The following BCAS4 variants were observed in gnomAD, a reference collection of about 807,000 sequenced individuals.
The protein encoded by BCAS4 is breast carcinoma-amplified sequence 4.
BCAS4 carries 9 observed loss-of-function variants against 15.7 expected under a neutral mutation model. The observed-to-expected ratio is 0.57, with a 90% CI of 0.34 to 1.00. The LOEUF (loss-of-function observed/expected upper bound fraction) is 1.00, where lower values mean the gene tolerates loss of function less well. BCAS4 is among the 50% of genes least tolerant of loss of function. The probability of loss-of-function intolerance (pLI) is 0.02; values close to 1 mark genes in which losing one functional copy is unlikely to be tolerated. For synonymous variants in BCAS4, 101 were observed against 99.5 expected (o/e 1.02, Z -0.09); for missense variants, 225 against 239.1 (o/e 0.94, Z 0.39).
intron 4 of BCAS4, among the ~76,000 whole-genome samples, chr20:50,871,406 C>A (rs1324199602): frequency 1.3e-5 from 2 of 152,242 alleles, no homozygotes; most frequent in Admixed American, 1.3e-4. Context: ...AGCCGGACAG[C>A]CCTGCGGGCA....
chr20:50,806,682 T>A lies in BCAS4; in HGVS notation c.90+11509T>A, dbSNP rs536156476. Among the ~76,000 whole-genome samples the A allele has an allele frequency of 2.0e-5, 3 of 151,980 alleles. No homozygotes were observed. The East Asian group carries it at 5.8e-4, about 29-fold the overall frequency. ...CAGAAGAGTTGCCTGGACTTCTTTT[T>A]TTCTTAAATTTTATTATTATTATTT... On this transcript the variant is annotated intron_variant, in intron 1 of 4. Transcript: ENST00000371608.
downstream of BCAS4, chr20:50,879,564 A>T (rs948616315): frequency 3.3e-5 from 5 of 152,226 alleles, no homozygotes; most frequent in African/African-American, 1.2e-4. Context: ...TTAGACAAGC[A>T]GTTGAGGACA....
At chr20:50,796,804 A>G (rs1422609922) in intron 1 of BCAS4, among the ~76,000 whole-genome samples, 1 of 149,874 alleles carries the variant, frequency 6.7e-6, no homozygotes, top group African/African-American at 2.5e-5. Flanking sequence ...ATCTCCACAT[A>G]TTTTTAAAAT....
intron 4 of BCAS4, among the ~76,000 whole-genome samples, chr20:50,849,000 G>A (rs983515231): frequency 2.0e-4 from 31 of 152,268 alleles, no homozygotes; most frequent in African/African-American, 7.2e-4. Context: ...GGAAGTGAAA[G>A]TGTGAAATGG....
rs866794867 is a variant in BCAS4 at position 50,875,606 on chromosome 20, A to C, written c.400-880A>C. On this transcript the variant is annotated intron_variant, in intron 4 of 4. Coordinates refer to ENST00000371608, the MANE Select transcript of BCAS4 (RefSeq NM_198799.4). The stretch of plus-strand genomic sequence containing the variant: ...ATGGCAAAACCTCATCTCTACTAAA[A>C]AAAAAAAAAAAAAAAAGAAAAAAAA... Among the ~76,000 whole-genome samples, 45 of 126,796 alleles carry C rather than the reference A, an allele frequency of 3.5e-4. No individual in the cohort carries two copies. In the South Asian group the frequency reaches 8.5e-3, roughly 24 times the overall value. The allele number at this position is 126,796 out of a possible 152,430, so 83.2% of individuals were successfully genotyped here. A position where few individuals can be genotyped will look rare whatever the true frequency, so the allele number is the denominator to read the frequency against.
chr20:50,810,160 T>A (rs756106667), intron 1 of BCAS4, among the ~76,000 whole-genome samples: 1 of 151,566 alleles, frequency 6.6e-6, no homozygotes, highest in Non-Finnish European at 1.5e-5. Flanking sequence ...ATTAAGTTAT[T>A]ATTGAATCTA....
At chr20:50,796,452 CATATATATATATATATATATAT>C (rs1245993218) in intron 1 of BCAS4, among the ~76,000 whole-genome samples, 6 of 21,158 alleles carry the variant, frequency 2.8e-4, no homozygotes, top group South Asian at 3.9e-3. Context: ...TCTTTTTCTC[CATATATATATATATATATATAT>C]ATATATATAT....
intron 1 of BCAS4, among the ~76,000 whole-genome samples, chr20:50,812,449 T>A (rs971093432): frequency 2.0e-4 from 29 of 141,478 alleles, no homozygotes; most frequent in Non-Finnish European, 3.4e-4. Flanking sequence ...TTTTTTTTTT[T>A]AAATTGAGAT....
intron 1 of BCAS4, among the ~76,000 whole-genome samples, chr20:50,816,157 C>G (rs1450024173): frequency 1.3e-5 from 2 of 152,218 alleles, no homozygotes; most frequent in East Asian, 1.9e-4. Context: ...TCCTGAGTAG[C>G]TGGGACTACA....
At chr20:50,802,351 G>A (rs564140751) in intron 1 of BCAS4, among the ~76,000 whole-genome samples, 8 of 152,310 alleles carry the variant, frequency 5.3e-5, no homozygotes, top group South Asian at 2.1e-4. Context: ...AGAACCTTCC[G>A]GGGCATGAGG....
At position 50,812,382 on chromosome 20, in the gene BCAS4, C is replaced by A. The variant is rs184432259; in HGVS notation, c.91-5829C>A. On this transcript the variant is annotated intron_variant, in intron 1 of 4. Coordinates refer to ENST00000371608, the MANE Select transcript of BCAS4 (RefSeq NM_198799.4). ...TCTCCTGACGTTGTGATCCGCCCCCCCTTGGCCTCCCAAAGTACTGGGATT... is the reference window on the plus strand; with the variant it reads ...TCTCCTGACGTTGTGATCCGCCCCCACTTGGCCTCCCAAAGTACTGGGATT... 3.7e-3 allele frequency among the ~76,000 whole-genome samples: 559 copies of A among 151,634 alleles called. 3 individuals carry two copies. Among genetic ancestry groups the A allele is most frequent in the Non-Finnish European group, 6.8e-3 (459 of 67,934 alleles).
At chr20:50,819,796 G>A (rs2088191233) in intron 2 of BCAS4, among the ~76,000 whole-genome samples, 2 of 118,240 alleles carry the variant, frequency 1.7e-5, no homozygotes, top group Non-Finnish European at 3.7e-5. Flanking sequence ...TTGTCTTTCT[G>A]TCTTTCCGTC....
chr20:50,879,148 T>C (rs906371935), downstream of BCAS4: 1 of 152,258 alleles, frequency 6.6e-6, no homozygotes, highest in Admixed American at 6.5e-5. Flanking sequence ...CTGTGTTGTA[T>C]TGGCTGGGAC....
At chr20:50,853,704 G>GTGTTTTGTGTACTGGGGGA (rs1568678734) in intron 4 of BCAS4, among the ~76,000 whole-genome samples, 2 of 92,924 alleles carry the variant, frequency 2.2e-5, no homozygotes, top group African/African-American at 4.2e-5. Context: ...TGTACTGGGG[G>GTGTTTTGTGTACTGGGGGA]TGTTTTGTGT....
intron 4 of BCAS4, among the ~76,000 whole-genome samples, chr20:50,863,693 G>A (rs1979210958): frequency 6.6e-6 from 1 of 152,186 alleles, no homozygotes; most frequent in Non-Finnish European, 1.5e-5. Context: ...GCAGTTGGTG[G>A]CCGGACTGTA....
intron 4 of BCAS4, among the ~76,000 whole-genome samples, chr20:50,846,061 A>G (rs931080479): frequency 1.3e-5 from 2 of 152,216 alleles, no homozygotes; most frequent in Admixed American, 6.5e-5. Flanking sequence ...AGAAAGAGGC[A>G]TTTGCTCCAC....
chr20:50,876,361 G>A, intron 4 of BCAS4, 125 bp from the exon 5 acceptor site: 1 of 1,331,304 alleles, frequency 7.5e-7, no homozygotes, highest in African/African-American at 1.5e-5. Context: ...AGTGCTGTCA[G>A]AGGAGCTCAG....
Position 50,850,221 on chromosome 20 carries a change from G to A in BCAS4, c.399+8321G>A, listed in dbSNP as rs186074588. 1.3e-3 allele frequency among the ~76,000 whole-genome samples: 203 copies of A among 152,326 alleles called. 1 individual carries two copies. Among genetic ancestry groups the A allele is most frequent in the African/African-American group, 4.7e-3 (195 of 41,576 alleles). On this transcript the variant is annotated intron_variant, in intron 4 of 4. Coordinates refer to ENST00000371608, the MANE Select transcript of BCAS4 (RefSeq NM_198799.4). ...CTACTGTATACGAAGGGCTTTCTGTGCCTCATCTCAATTTCCTGTAACAAC... is the reference window on the plus strand; with the variant it reads ...CTACTGTATACGAAGGGCTTTCTGTACCTCATCTCAATTTCCTGTAACAAC...
At chr20:50,860,894 A>C (rs991395753) in intron 4 of BCAS4, among the ~76,000 whole-genome samples, 1 of 151,744 alleles carries the variant, frequency 6.6e-6, no homozygotes, top group African/African-American at 2.4e-5. Flanking sequence ...TAAAAGAAAA[A>C]GACAAAGAGT....
Sources: gnomAD v4.1 joint callset for allele counts (sites outside exome capture counted in the v4.1 genomes callset) on GRCh38, gnomAD v4.1.1 for gene constraint, MANE v1.5 for transcripts, NCBI Gene and HGNC (gene_info 2026-07-23, HGNC 2026-07-21) for gene names.